The following ZC3H13 variants were observed in gnomAD, a reference collection of about 807,000 sequenced individuals.
ZC3H13 encodes the protein zinc finger CCCH domain-containing protein 13.
A neutral mutation model predicts 204.1 loss-of-function variants in ZC3H13; 64 were observed. That is an observed-to-expected ratio of 0.31 (90% CI 0.26 to 0.39). The LOEUF (loss-of-function observed/expected upper bound fraction) is 0.39. ZC3H13 is among the 10% of genes least tolerant of loss of function. The probability of loss-of-function intolerance (pLI) is 1.00; values close to 1 mark genes in which losing one functional copy is unlikely to be tolerated. For synonymous variants in ZC3H13, 667 were observed against 693.7 expected (o/e 0.96, Z 0.60); for missense variants, 1,833 against 2,082.7 (o/e 0.88, Z 2.33).
In ZC3H13 at chr13:46,042,270, G is replaced by A; in HGVS notation, c.233C>T (p.Pro78Leu). The A allele has an allele frequency of 1.9e-6, 3 of 1,609,414 alleles. No homozygotes were observed. Among genetic ancestry groups the A allele is most frequent in the Non-Finnish European group, 2.5e-6 (3 of 1,177,148 alleles). ...KGYSSNYRRS[P>L]ERPTGDLRER... The stretch of plus-strand genomic sequence containing the variant: ...TCTAAGATCCCCTGTAGGTCTTTCT[G>A]GTGACCTTTGAACCAAAACACAGAA... Residue 78 changes from proline to leucine, a missense_variant, in exon 4 of 19, where the codon CCA (proline) becomes CTA (leucine). Pro to Leu is a moderately conservative substitution (Grantham distance 98). Around this residue, in one of 5 missense-constraint regions of ZC3H13, gnomAD observed 1,574 missense variants for 1,757.2 expected, o/e 0.90. Coordinates refer to ENST00000679008, the MANE Select transcript of ZC3H13 (RefSeq NM_001330564.2).
chr13:46,028,026 C>T (rs1007827447), intron 4 of ZC3H13, among the ~76,000 whole-genome samples: 6 of 152,046 alleles, frequency 3.9e-5, no homozygotes, highest in African/African-American at 9.7e-5. Context: ...CCAATTAAAA[C>T]ACAGATATTC....
At chr13:46,029,502 C>T (rs1321037422) in intron 4 of ZC3H13, among the ~76,000 whole-genome samples, 1 of 148,706 alleles carries the variant, frequency 6.7e-6, no homozygotes. Context: ...GATCTCGGCT[C>T]ACTGCAAGCT....
intron 7 of ZC3H13, among the ~76,000 whole-genome samples, chr13:46,007,881 G>C (rs2041263546): frequency 6.6e-6 from 1 of 151,910 alleles, no homozygotes; most frequent in Non-Finnish European, 1.5e-5. Context: ...TCTGTACAAA[G>C]AGCTATAAAG....
chr13:46,002,568 C>T (rs904101784), intron 8 of ZC3H13, among the ~76,000 whole-genome samples: 3 of 152,100 alleles, frequency 2.0e-5, no homozygotes, highest in African/African-American at 7.2e-5. Flanking sequence ...CATATACATA[C>T]AATCAAATAT....
Position 45,959,633 on chromosome 13 carries a change from G to C in ZC3H13, c.4689C>G (p.Leu1563=). 7 of 1,527,044 alleles carry C rather than the reference G, an allele frequency of 4.6e-6. No homozygotes were observed. The highest frequency in any genetic ancestry group is 6.2e-6 in the Non-Finnish European group (7 of 1,137,958). The allele number at this position is 1,527,044 out of a possible 1,614,324, so 94.6% of individuals were successfully genotyped here. Residue 1563 remains leucine (L), a synonymous_variant, in exon 18 of 19, where the codon CTC becomes CTG. Coordinates refer to ENST00000679008, the MANE Select transcript of ZC3H13 (RefSeq NM_001330564.2). ...LLEKPKDADN[L]FEHELGALNM... is the part of the protein sequence containing the mutation. ...TGAGAGCCCCCAATTCATGTTCAAA[G>C]AGATTGTCTGCATCTTTCAAAAAAA...
At chr13:45,979,742 G>A in intron 11 of ZC3H13, 71 bp downstream of exon 11, 2 of 1,420,290 alleles carry the variant, frequency 1.4e-6, no homozygotes, top group Non-Finnish European at 1.9e-6. Context: ...AAAGTAAATT[G>A]GTAACTGTTT....
At chr13:45,970,294 A>G in intron 13 of ZC3H13, 68 bp downstream of exon 13, 1 of 1,538,870 alleles carries the variant, frequency 6.5e-7, no homozygotes, top group Non-Finnish European at 8.9e-7. Flanking sequence ...TCCTACTAGT[A>G]TGAAAGGATG....
intron 11 of ZC3H13, chr13:45,976,366 G>C: frequency 1.8e-6 from 1 of 548,920 alleles, no homozygotes; most frequent in African/African-American, 2.1e-5. Flanking sequence ...AAATATAGTA[G>C]AACAAAACAT....
chr13:45,995,134 C>T (rs1482375484), intron 8 of ZC3H13, among the ~76,000 whole-genome samples: 1 of 152,048 alleles, frequency 6.6e-6, no homozygotes, highest in Non-Finnish European at 1.5e-5. Flanking sequence ...ACATTCTTTA[C>T]AGAATTGACT....
chr13:46,020,478 T>C lies in ZC3H13; in HGVS notation c.419A>G (p.Glu140Gly), dbSNP rs1375809188. 13 of 1,610,908 alleles carry C rather than the reference T, an allele frequency of 8.1e-6. 1 individual carries two copies. Among genetic ancestry groups the C allele is most frequent in the South Asian group, 3.3e-5 (3 of 90,500 alleles). Residue 140 changes from glutamate to glycine, a missense_variant, in exon 5 of 19, where the codon GAA (glutamate) becomes GGA (glycine). Glu to Gly is a moderately conservative substitution (Grantham distance 98). Transcript: ENST00000679008. ...TKERTPESEEENVEWETNRDD... is the reference protein window; with the variant it reads ...TKERTPESEEGNVEWETNRDD... ...TCTATTAGTTTCCCATTCTACATTT[T>C]CTTCTTCACTTTCTGGAGTTCTTTC...
At chr13:45,973,862 A>G (rs1000687684) in intron 12 of ZC3H13, among the ~76,000 whole-genome samples, 3 of 152,190 alleles carry the variant, frequency 2.0e-5, no homozygotes, top group African/African-American at 7.2e-5. Context: ...AGATTTTTCA[A>G]AATGTAAGGA....
intron 7 of ZC3H13, 110 bp from the exon 8 acceptor site, chr13:46,003,446 T>A (rs2040897105): frequency 1.0e-6 from 1 of 964,950 alleles, no homozygotes; most frequent in Non-Finnish European, 1.5e-6. Flanking sequence ...CCTTTATTAT[T>A]TTGTATACTA....
At position 46,023,682 on chromosome 13, in the gene ZC3H13, A is replaced by T. The variant is rs539410558; in HGVS notation, c.340-3125T>A. Among the ~76,000 whole-genome samples the T allele has an allele frequency of 3.3e-5, 5 of 152,284 alleles. No homozygotes were observed. In the South Asian group the frequency reaches 1.0e-3, roughly 32 times the overall value. ...AAACTATAATCTCCTAAACTATACA[A>T]ATTTGAACTATTATTTCACATAAAA... On this transcript the variant is annotated intron_variant, in intron 4 of 18. Coordinates refer to ENST00000679008, the MANE Select transcript of ZC3H13 (RefSeq NM_001330564.2).
chr13:46,043,875 G>GT (rs2043759722), intron 3 of ZC3H13, among the ~76,000 whole-genome samples: 1 of 151,762 alleles, frequency 6.6e-6, no homozygotes, highest in Non-Finnish European at 1.5e-5. Flanking sequence ...ATTTTAAAAT[G>GT]TATCAAAAGT....
intron 1 of ZC3H13, among the ~76,000 whole-genome samples, chr13:46,047,860 T>G (rs1465238979): frequency 6.6e-6 from 1 of 151,134 alleles, no homozygotes; most frequent in Non-Finnish European, 1.5e-5. Context: ...TTCCAAAATT[T>G]CCTTATTTGC....
intron 5 of ZC3H13, among the ~76,000 whole-genome samples, chr13:46,015,336 C>T (rs61953331): frequency 0.25 from 37,983 of 151,722 alleles, 5,151 homozygotes; most frequent in South Asian, 0.33. Flanking sequence ...TTAACTAGGC[C>T]GTCTTTTTCT....
At chr13:46,050,664 A>C (rs1314129946) in intron 1 of ZC3H13, among the ~76,000 whole-genome samples, 1 of 152,182 alleles carries the variant, frequency 6.6e-6, no homozygotes, top group Admixed American at 6.5e-5. Flanking sequence ...AGAATTTTTT[A>C]AAAAGAACTT....
At chr13:46,051,857 G>A (rs1372960431) in intron 1 of ZC3H13, 1 of 152,110 alleles carries the variant, frequency 6.6e-6, no homozygotes, top group Non-Finnish European at 1.5e-5. Flanking sequence ...ATTACAGAGA[G>A]ATAATGCCGC....
In ZC3H13 at chr13:46,006,713, C is replaced by CATATATATATATATATAT. The variant is rs71184435; in HGVS notation, c.747-3378_747-3377insATATATATATATATATAT. Among the ~76,000 whole-genome samples, 277 of 63,828 alleles carry CATATATATATATATATAT rather than the reference C, an allele frequency of 4.3e-3. 59 individuals are homozygous for CATATATATATATATATAT. The highest frequency in any genetic ancestry group is 0.012 in the East Asian group (21 of 1,684). The allele number at this position is 63,828 out of a possible 152,430, so 41.9% of individuals were successfully genotyped here. ...TTCTCAAGTCCCAAGAGTTCTTAGC[C>CATATATATATATATATAT]ATATATATATATGAGATAGTATCTA... is the stretch of plus-strand genomic sequence containing the variant. On this transcript the variant is annotated intron_variant, in intron 7 of 18. Coordinates refer to ENST00000679008, the MANE Select transcript of ZC3H13 (RefSeq NM_001330564.2).
Sources: allele counts gnomAD v4.1 joint callset (sites outside exome capture counted in the v4.1 genomes callset), GRCh38; gene constraint gnomAD v4.1.1; regional missense constraint gnomAD v4.1.1; transcripts MANE v1.5; gene names NCBI Gene and HGNC (gene_info 2026-07-23, HGNC 2026-07-21).